Variants in CNTN5 observed in about 807,000 individuals in gnomAD.
CNTN5 encodes contactin 5.
CNTN5 carries 77 observed loss-of-function variants against 129.1 expected under a neutral mutation model. The observed-to-expected ratio is 0.60, with a 90% CI of 0.50 to 0.72. The LOEUF (loss-of-function observed/expected upper bound fraction) is 0.72. Ranked by LOEUF, CNTN5 falls within the 30% of genes least tolerant of loss-of-function variation. The pLI is 0.00. For synonymous variants in CNTN5, 509 were observed against 465.6 expected, an observed-to-expected ratio of 1.09 and a Z score of -1.20; for missense variants, 1,478 against 1,328.8, an observed-to-expected ratio of 1.11 and a Z score of -1.75.
intron 2 of CNTN5, among the ~76,000 whole-genome samples, chr11:99,502,609 T>G (rs1329694378): frequency 6.6e-6 from 1 of 152,162 alleles, no homozygotes; most frequent in East Asian, 1.9e-4. Flanking sequence ...CCAAGCATGC[T>G]GAACTGTAAG....
intron 8 of CNTN5, among the ~76,000 whole-genome samples, chr11:99,960,968 C>T (rs553458200): frequency 7.2e-5 from 11 of 151,992 alleles, no homozygotes; most frequent in African/African-American, 1.9e-4. Context: ...TTTGGGAGGC[C>T]GTGGCGAGCG....
intron 1 of CNTN5, among the ~76,000 whole-genome samples, chr11:99,203,057 G>A (rs1859295194): frequency 6.6e-6 from 1 of 151,912 alleles, no homozygotes; most frequent in Admixed American, 6.6e-5. Context: ...GAGGGAGGAA[G>A]GGAGAAAGGG....
intron 2 of CNTN5, among the ~76,000 whole-genome samples, chr11:99,495,211 A>G (rs1946180277): frequency 6.6e-6 from 1 of 152,108 alleles, no homozygotes; most frequent in Non-Finnish European, 1.5e-5. Flanking sequence ...TACTAAAAAT[A>G]CAAAAAATTA....
intron 13 of CNTN5, among the ~76,000 whole-genome samples, chr11:100,087,703 G>C (rs958640119): frequency 6.6e-6 from 1 of 151,876 alleles, no homozygotes; most frequent in Non-Finnish European, 1.5e-5. Context: ...ATCCTACTTA[G>C]AGCATTAGAC....
intron 8 of CNTN5, among the ~76,000 whole-genome samples, chr11:99,999,001 T>A (rs1020638219): frequency 6.6e-6 from 1 of 152,012 alleles, no homozygotes; most frequent in Non-Finnish European, 1.5e-5. Flanking sequence ...ATACAAAAAT[T>A]AATTCAAGAT....
chr11:100,053,956 C>T (rs993355537), intron 9 of CNTN5, among the ~76,000 whole-genome samples: 1 of 151,692 alleles, frequency 6.6e-6, no homozygotes, highest in South Asian at 2.1e-4. Flanking sequence ...AAGACATACT[C>T]AAAATACTAC....
chr11:99,743,604 A>G (rs1000928770), intron 3 of CNTN5, among the ~76,000 whole-genome samples: 5 of 152,220 alleles, frequency 3.3e-5, no homozygotes, highest in Non-Finnish European at 5.9e-5. Flanking sequence ...ACCATCATAC[A>G]TAGCAGAGTC....
intron 6 of CNTN5, among the ~76,000 whole-genome samples, chr11:99,892,944 T>C (rs1300405806): frequency 1.3e-5 from 2 of 152,214 alleles, no homozygotes; most frequent in African/African-American, 2.4e-5. Flanking sequence ...ACGATATTGA[T>C]TCTTCCTATC....
chr11:100,118,973 G>A (rs562898136), intron 13 of CNTN5, among the ~76,000 whole-genome samples: 1 of 151,580 alleles, frequency 6.6e-6, no homozygotes, highest in Non-Finnish European at 1.5e-5. Context: ...TACGTCATAA[G>A]CCATGTACAT....
At chr11:99,853,766 C>T (rs1177090678) in intron 6 of CNTN5, among the ~76,000 whole-genome samples, 2 of 151,832 alleles carry the variant, frequency 1.3e-5, no homozygotes, top group Non-Finnish European at 2.9e-5. Context: ...TTTGATGCAC[C>T]ACCACCCCCT....
chr11:99,514,282 T>C (rs1442544465), intron 2 of CNTN5, among the ~76,000 whole-genome samples: 1 of 152,066 alleles, frequency 6.6e-6, no homozygotes, highest in African/African-American at 2.4e-5. Context: ...TTTCTTGAGA[T>C]GGAAACTACT....
intron 13 of CNTN5, among the ~76,000 whole-genome samples, chr11:100,120,126 C>T (rs991352292): frequency 6.6e-6 from 1 of 151,638 alleles, no homozygotes; most frequent in Non-Finnish European, 1.5e-5. Flanking sequence ...TTATTTAGTC[C>T]CCAGATGTGT....
intron 1 of CNTN5, among the ~76,000 whole-genome samples, chr11:99,040,432 C>G (rs1380189197): frequency 1.3e-5 from 2 of 152,032 alleles, no homozygotes; most frequent in Non-Finnish European, 2.9e-5. Flanking sequence ...ATTGCATCAG[C>G]CTGATTACCA....
intron 9 of CNTN5, among the ~76,000 whole-genome samples, chr11:100,031,927 G>T (rs932774377): frequency 2.0e-5 from 3 of 151,414 alleles, no homozygotes; most frequent in Non-Finnish European, 4.4e-5. Flanking sequence ...TGGCACCACG[G>T]GACCAGAAGG....
chr11:100,169,769 T>C (rs1432753330), intron 13 of CNTN5, among the ~76,000 whole-genome samples: 2 of 151,994 alleles, frequency 1.3e-5, no homozygotes, highest in Non-Finnish European at 2.9e-5. Flanking sequence ...TTTTCTTCCA[T>C]AGTAGCTGAG....
chr11:99,442,749 G>A (rs1943891326), intron 2 of CNTN5, among the ~76,000 whole-genome samples: 1 of 152,094 alleles, frequency 6.6e-6, no homozygotes, highest in East Asian at 1.9e-4. Flanking sequence ...AAACCTCTAT[G>A]GTAAAAGAAA....
chr11:99,905,892 C>T (rs1416216966), intron 6 of CNTN5, among the ~76,000 whole-genome samples: 1 of 152,090 alleles, frequency 6.6e-6, no homozygotes, highest in Non-Finnish European at 1.5e-5. Context: ...ATTTTATTCT[C>T]TTTGTAGCAA....
At chr11:99,785,052 G>GCCTGCCTCCA (rs1292629270) in intron 3 of CNTN5, among the ~76,000 whole-genome samples, 245 of 151,106 alleles carry the variant, frequency 1.6e-3, no homozygotes, top group African/African-American at 3.7e-3. Flanking sequence ...GCCTGCCTCC[G>GCCTGCCTCCA]CCTGCCTCCA....
At chr11:99,341,624 A>G (rs1866517475) in intron 2 of CNTN5, among the ~76,000 whole-genome samples, 1 of 152,208 alleles carries the variant, frequency 6.6e-6, no homozygotes, top group Admixed American at 6.5e-5. Context: ...TATGGTCAGT[A>G]AGTCACATGT....
Sources: allele counts gnomAD v4.1 joint callset (sites outside exome capture counted in the v4.1 genomes callset), GRCh38; gene constraint gnomAD v4.1.1; transcripts MANE v1.5; gene names NCBI Gene and HGNC (gene_info 2026-07-23, HGNC 2026-07-21).